SPOPL: variants seen among roughly 807,000 people sequenced by gnomAD.
The protein encoded by SPOPL is speckle type BTB/POZ protein like.
Under a neutral mutation model 53.8 loss-of-function variants are expected in SPOPL, and 23 were observed. The ratio of observed to expected loss-of-function variants is 0.43; its 90% confidence interval spans 0.31 to 0.61. The LOEUF is 0.61. Among genes scored for constraint, SPOPL ranks in the 20% least tolerant of loss-of-function variants. The probability of loss-of-function intolerance (pLI) is 0.12; values close to 1 mark genes in which losing one functional copy is unlikely to be tolerated. For synonymous variants in SPOPL, 164 were observed against 149.7 expected (o/e 1.10, Z -0.70); for missense variants, 442 against 466.9 (o/e 0.95, Z 0.49).
At chr2:138,533,769 GT>G (rs1684869623) in intron 1 of SPOPL, among the ~76,000 whole-genome samples, 1 of 152,046 alleles carries the variant, frequency 6.6e-6, no homozygotes. Context: ...TCCTGAAGCA[GT>G]TCAGAGGACT....
At chr2:138,535,441 T>C (rs1460213580) in intron 1 of SPOPL, among the ~76,000 whole-genome samples, 1 of 152,114 alleles carries the variant, frequency 6.6e-6, no homozygotes, top group East Asian at 1.9e-4. Context: ...TCCACAGCGG[T>C]TAAACCATTA....
At chr2:138,502,910 C>G (rs1367381249) in intron 1 of SPOPL, among the ~76,000 whole-genome samples, 1 of 152,206 alleles carries the variant, frequency 6.6e-6, no homozygotes, top group Non-Finnish European at 1.5e-5. Flanking sequence ...TCTGCTTATC[C>G]TAACTTTCGC....
intron 1 of SPOPL, among the ~76,000 whole-genome samples, chr2:138,503,855 C>T (rs1041756377): frequency 6.6e-6 from 1 of 152,220 alleles, no homozygotes; most frequent in Non-Finnish European, 1.5e-5. Flanking sequence ...TCTTCAATCA[C>T]TACTCGAGAT....
rs143396759 is a variant in SPOPL, at chr2:138,558,799, T to C, written c.481-223T>C. Among the ~76,000 whole-genome samples, 198 of 152,310 alleles carry C rather than the reference T, an allele frequency of 1.3e-3. 1 individual carries two copies. Among genetic ancestry groups the C allele is most frequent in the African/African-American group, 4.6e-3 (190 of 41,580 alleles). On this transcript the variant is annotated intron_variant, in intron 5 of 10. Transcript: ENST00000280098. ...GCATTCTAACCAATTGATAAGCCATTTATTTACATAGAATAAATTGAAAAA... is the reference window on the plus strand; with the variant it reads ...GCATTCTAACCAATTGATAAGCCATCTATTTACATAGAATAAATTGAAAAA...
chr2:138,539,704 T>C lies in SPOPL; in HGVS notation c.-60-10453T>C, dbSNP rs191488131. On this transcript the variant is annotated intron_variant, in intron 1 of 10. Coordinates refer to ENST00000280098, the MANE Select transcript of SPOPL (RefSeq NM_001001664.3). ...ATTTTCTCCCATTCTGTAGGTTGCC[T>C]GTTCACTCTGATGGTAGTTTCTTTT... Among the ~76,000 whole-genome samples, 1,035 of 152,332 alleles carry C rather than the reference T, an allele frequency of 6.8e-3. 13 individuals carry two copies. The highest frequency in any genetic ancestry group is 0.024 in the African/African-American group (984 of 41,570).
At chr2:138,524,122 G>A (rs553288806) in intron 1 of SPOPL, among the ~76,000 whole-genome samples, 21 of 152,318 alleles carry the variant, frequency 1.4e-4, no homozygotes, top group African/African-American at 4.8e-4. Context: ...TCTAAGCAGA[G>A]GTTCCCAAAC....
chr2:138,546,390 G>A (rs1207591282), intron 1 of SPOPL, among the ~76,000 whole-genome samples: 1 of 152,174 alleles, frequency 6.6e-6, no homozygotes, highest in Non-Finnish European at 1.5e-5. Flanking sequence ...CTGTAAGAAT[G>A]AGAATAGGAA....
chr2:138,506,802 G>C (rs1283986231), intron 1 of SPOPL, among the ~76,000 whole-genome samples: 1 of 152,158 alleles, frequency 6.6e-6, no homozygotes, highest in Non-Finnish European at 1.5e-5. Flanking sequence ...AAATAAATTT[G>C]GGAATAGTGT....
intron 1 of SPOPL, among the ~76,000 whole-genome samples, chr2:138,525,873 G>T (rs947403559): frequency 4.0e-5 from 6 of 150,160 alleles, no homozygotes; most frequent in African/African-American, 1.2e-4. Context: ...ATCAATTTTT[G>T]CATTACATGA....
chr2:138,503,483 A>T (rs544903699), intron 1 of SPOPL, among the ~76,000 whole-genome samples: 1 of 152,330 alleles, frequency 6.6e-6, no homozygotes, highest in Non-Finnish European at 1.5e-5. Flanking sequence ...TAATTCTAAG[A>T]CAGGAAGGTG....
At chr2:138,549,294 C>A (rs1685263398) in intron 1 of SPOPL, among the ~76,000 whole-genome samples, 1 of 151,986 alleles carries the variant, frequency 6.6e-6, no homozygotes, top group Non-Finnish European at 1.5e-5. Flanking sequence ...TCCTTTATCT[C>A]TCATAACAAT....
At chr2:138,557,283 G>C (rs914530656) in intron 5 of SPOPL, among the ~76,000 whole-genome samples, 6 of 152,110 alleles carry the variant, frequency 3.9e-5, no homozygotes, top group Admixed American at 3.9e-4. Flanking sequence ...TGTAAAATAA[G>C]GTGAATAGAT....
chr2:138,560,928 G>A lies in SPOPL; in HGVS notation c.837+1G>A. 1.2e-6 allele frequency: 2 copies of A among 1,607,928 alleles called. No homozygotes were observed. Among genetic ancestry groups the A allele is most frequent in the Non-Finnish European group, 1.7e-6 (2 of 1,178,470 alleles). ...CAACTTGTTGGCAGCTGCAGACAAA[G>A]TAAGTAATTAGGTCTTAAGGAACCA... is the stretch of plus-strand genomic sequence containing the variant. On this transcript the variant is annotated splice_donor_variant, in intron 8 of 10. Coordinates refer to ENST00000280098, the MANE Select transcript of SPOPL (RefSeq NM_001001664.3). LOFTEE classifies it high-confidence loss of function.
At chr2:138,563,641 G>C (rs1026215361) in intron 8 of SPOPL, among the ~76,000 whole-genome samples, 2 of 152,184 alleles carry the variant, frequency 1.3e-5, no homozygotes, top group African/African-American at 4.8e-5. Flanking sequence ...TAAAGACACG[G>C]AAAAATTAGG....
chr2:138,557,857 T>C (rs1056896287), intron 5 of SPOPL, among the ~76,000 whole-genome samples: 7 of 152,208 alleles, frequency 4.6e-5, no homozygotes, highest in African/African-American at 1.7e-4. Flanking sequence ...TAGAATCCAT[T>C]TTTTAAAAAA....
At chr2:138,523,544 C>G (rs1283410741) in intron 1 of SPOPL, among the ~76,000 whole-genome samples, 1 of 152,150 alleles carries the variant, frequency 6.6e-6, no homozygotes, top group Non-Finnish European at 1.5e-5. Flanking sequence ...AAAGTCTTAT[C>G]TGAGACAAGT....
Position 138,568,946 on chromosome 2 carries a change from G to T in SPOPL, c.1045G>T (p.Asp349Tyr). Residue 349 changes from aspartate (D) to tyrosine (Y), a missense_variant, in exon 11 of 11, where the codon GAC (aspartate) becomes TAC (tyrosine). Transcript: ENST00000280098. Reference protein sequence around the residue: ...GKNWNSNQATDIMETSGWKSM... With the variant: ...GKNWNSNQATYIMETSGWKSM... Reference sequence around the variant, plus strand: ...AATTCTATTTTTCAGCCAAGCAACCGACATAATGGAAACATCAGGGTGGAA... The same window carrying T: ...AATTCTATTTTTCAGCCAAGCAACCTACATAATGGAAACATCAGGGTGGAA... 1 of 1,613,498 alleles carries T rather than the reference G, an allele frequency of 6.2e-7. No individual in the cohort carries two copies.
At chr2:138,566,860 A>T (rs1048139365) in intron 10 of SPOPL, among the ~76,000 whole-genome samples, 5 of 152,248 alleles carry the variant, frequency 3.3e-5, no homozygotes, top group Admixed American at 1.3e-4. Context: ...ATGTACAAGC[A>T]CTTGACTAAC....
intron 1 of SPOPL, among the ~76,000 whole-genome samples, chr2:138,512,332 T>TTCTG (rs1466435902): frequency 6.6e-6 from 1 of 152,218 alleles, no homozygotes; most frequent in African/African-American, 2.4e-5. Flanking sequence ...TTATGACATA[T>TTCTG]TTAGTCAGAA....
Sources: allele counts gnomAD v4.1 joint callset (sites outside exome capture counted in the v4.1 genomes callset), GRCh38; gene constraint gnomAD v4.1.1; transcripts MANE v1.5; gene names NCBI Gene and HGNC (gene_info 2026-07-23, HGNC 2026-07-21).